GSS: variants seen among roughly 807,000 people sequenced by gnomAD.
The protein encoded by GSS is glutathione synthetase, also known as GSH synthetase.
In GSS, 34 loss-of-function variants were observed where a neutral mutation model predicts 60.4. That is an observed-to-expected ratio of 0.56 (90% CI 0.43 to 0.75). The LOEUF (loss-of-function observed/expected upper bound fraction) is 0.75, where lower values mean the gene tolerates loss of function less well. Ranked by LOEUF, GSS falls within the 30% of genes least tolerant of loss-of-function variation. GSS has a pLI of 0.00. For synonymous variants in GSS, 224 were observed against 239.0 expected (o/e 0.94, Z 0.58); for missense variants, 499 against 595.1 (o/e 0.84, Z 1.68).
intron 1 of GSS, among the ~76,000 whole-genome samples, chr20:34,953,762 C>T (rs147891744): frequency 0.038 from 5,838 of 151,938 alleles, 371 homozygotes; most frequent in African/African-American, 0.13. Context: ...ACTACAGGCA[C>T]CTGCCACCAT....
intron 6 of GSS, among the ~76,000 whole-genome samples, 173 bp from the exon 7 acceptor site, chr20:34,937,196 C>A (rs985139719): frequency 2.3e-4 from 35 of 152,144 alleles, no homozygotes; most frequent in African/African-American, 8.2e-4. Context: ...GGCATAGACA[C>A]CTGATGCTAT....
chr20:34,935,563 A>G lies in GSS; in HGVS notation c.834+13T>C, dbSNP rs1445396251. 1.9e-6 allele frequency: 3 copies of G among 1,597,912 alleles called. No homozygotes were observed. The highest frequency in any genetic ancestry group is 2.6e-6 in the Non-Finnish European group (3 of 1,165,406). On this transcript the variant is annotated intron_variant, in intron 9 of 12. Coordinates refer to ENST00000651619, the MANE Select transcript of GSS (RefSeq NM_000178.4). ...CCCAGGAGGCAAAGAATGGTCTCAC[A>G]GAAAATACCAACCTGTAGACTGTAC... is the stretch of plus-strand genomic sequence containing the variant.
At chr20:34,953,369 T>G (rs2081583755) in intron 1 of GSS, among the ~76,000 whole-genome samples, 1 of 152,160 alleles carries the variant, frequency 6.6e-6, no homozygotes, top group Non-Finnish European at 1.5e-5. Context: ...TTTGAAAGAA[T>G]GCGCATGTGA....
intron 5 of GSS, 52 bp from the exon 6 acceptor site, chr20:34,941,881 TCTGC>T (rs777339200): frequency 1.0e-6 from 1 of 969,032 alleles, no homozygotes; most frequent in Non-Finnish European, 1.7e-6. Flanking sequence ...GGAAGACCCC[TCTGC>T]CCATGACCTC....
Position 34,931,384 on chromosome 20 carries a change from G to C in GSS, c.1063C>G (p.Leu355Val). Residue 355 changes from leucine to valine, a missense_variant, in exon 11 of 13, where the codon CTT (leucine) becomes GTT (valine). Physicochemically the swap from Leu to Val is conservative, Grantham distance 32. Transcript: ENST00000651619. ...AGCACAAACCGGCTAGGGGCAGCAA[G>C]GGCCTCGGCGATGGCCTGGTCCCCT... is the stretch of plus-strand genomic sequence containing the variant. ...EEGDQAIAEA[L>V]AAPSRFVLKP... The C allele has an allele frequency of 6.2e-7, 1 of 1,614,246 alleles. No homozygotes were observed. The highest frequency in any genetic ancestry group is 8.5e-7 in the Non-Finnish European group (1 of 1,180,036).
Position 34,942,833 on chromosome 20 carries a change from T to G in GSS, c.351+98A>C, listed in dbSNP as rs1057117468. 3.1e-6 allele frequency: 3 copies of G among 965,614 alleles called. No individual in the cohort carries two copies. In the African/African-American group the frequency reaches 4.8e-5, roughly 16 times the overall value. The allele number at this position is 965,614 out of a possible 1,614,324, so 59.8% of individuals were successfully genotyped here. Reference sequence around the variant, plus strand: ...AGGACCAGTGAGAGGCAGATTCCCATGAGCTGAGGGCCTGGACCAAATTCT... The same window carrying G: ...AGGACCAGTGAGAGGCAGATTCCCAGGAGCTGAGGGCCTGGACCAAATTCT... On this transcript the variant is annotated intron_variant, in intron 4 of 12. Coordinates refer to ENST00000651619, the MANE Select transcript of GSS (RefSeq NM_000178.4).
intron 6 of GSS, among the ~76,000 whole-genome samples, chr20:34,939,747 C>T (rs2147127667): frequency 6.6e-6 from 1 of 151,388 alleles, no homozygotes; most frequent in East Asian, 1.9e-4. Flanking sequence ...TTGGCCACTG[C>T]AACTTCCACC....
intron 2 of GSS, 81 bp from the exon 3 acceptor site, chr20:34,946,179 A>T (rs1284653705): frequency 8.1e-7 from 1 of 1,233,418 alleles, no homozygotes; most frequent in Non-Finnish European, 1.2e-6. Flanking sequence ...TCCCATGGAA[A>T]GTCTGGCCTA....
intron 2 of GSS, among the ~76,000 whole-genome samples, chr20:34,950,717 C>T (rs1194209439): frequency 1.3e-5 from 2 of 152,000 alleles, no homozygotes; most frequent in African/African-American, 2.4e-5. Flanking sequence ...TGCAGTGAGC[C>T]AAGATTGTGC....
chr20:34,941,892 C>T (rs769949374), intron 5 of GSS, 63 bp from the exon 6 acceptor site: 2 of 857,836 alleles, frequency 2.3e-6, no homozygotes, highest in Non-Finnish European at 4.1e-6. Context: ...CTGCCCATGA[C>T]CTCATATATA....
intron 11 of GSS, among the ~76,000 whole-genome samples, chr20:34,930,197 C>T (rs1407741561): frequency 6.7e-6 from 1 of 150,306 alleles, no homozygotes; most frequent in Non-Finnish European, 1.5e-5. Flanking sequence ...ACCTGGGAGG[C>T]AGTGGTTGCA....
At position 34,942,664 on chromosome 20, in the gene GSS, G is replaced by A. The variant is rs1446596272; in HGVS notation, c.352-37C>T. The A allele has an allele frequency of 2.5e-6, 4 of 1,609,992 alleles. No homozygotes were observed. The East Asian group carries it at 6.7e-5, about 27-fold the overall frequency. On this transcript the variant is annotated intron_variant, in intron 4 of 12. Coordinates refer to ENST00000651619, the MANE Select transcript of GSS (RefSeq NM_000178.4). ...ACTGAAGGCTGACAGTACCTGCCCA[G>A]GGACTGACTCTGAGGACCTAGCCAC...
chr20:34,942,712 T>G, intron 4 of GSS, 85 bp from the exon 5 acceptor site: 1 of 1,331,884 alleles, frequency 7.5e-7, no homozygotes, highest in Non-Finnish European at 1.1e-6. Context: ...TACCATGAAC[T>G]CTACACAGAG....
At chr20:34,929,349 G>C (rs2081380055) in intron 12 of GSS, 52 bp downstream of exon 12, 1 of 1,478,184 alleles carries the variant, frequency 6.8e-7, no homozygotes, top group African/African-American at 1.4e-5. Context: ...GGCTCACTTG[G>C]CTGGCACTCT....
Position 34,936,816 on chromosome 20 carries a change from T to C in GSS, c.714A>G (p.Thr238=), listed in dbSNP as rs760900096. Residue 238 remains threonine, a synonymous_variant, in exon 8 of 13, where the codon ACA becomes ACG. Coordinates refer to ENST00000651619, the MANE Select transcript of GSS (RefSeq NM_000178.4). ...ACCCCTTTTCAGAGATATCTTCAAA[T>C]GTTCGTCGGATCACATGGATGTTCC... ...LARNIHVIRR[T]FEDISEKGSL... The C allele has an allele frequency of 5.6e-6, 9 of 1,614,006 alleles. No individual in the cohort carries two copies. Among genetic ancestry groups the C allele is most frequent in the Non-Finnish European group, 7.6e-6 (9 of 1,180,004 alleles).
chr20:34,954,080 A>G (rs1323108693), intron 1 of GSS, among the ~76,000 whole-genome samples: 1 of 152,260 alleles, frequency 6.6e-6, no homozygotes, highest in Non-Finnish European at 1.5e-5. Flanking sequence ...AGCCAGGACA[A>G]GAACCCATTA....
rs1239791058 is a variant in GSS, at chr20:34,945,943, T to G, written c.275+10A>C. 1.2e-6 allele frequency: 2 copies of G among 1,613,928 alleles called. No homozygotes were observed. The highest frequency in any genetic ancestry group is 2.7e-5 in the African/African-American group (2 of 75,054). On this transcript the variant is annotated intron_variant, in intron 3 of 12. Transcript: ENST00000651619. ...AGCTCCTGGCCCCCCAATGCTTCAC[T>G]GTCCCCTACCTGGAAAGAGTTTGCT...
intron 3 of GSS, among the ~76,000 whole-genome samples, chr20:34,944,968 A>G (rs1032857034): frequency 6.6e-6 from 1 of 151,980 alleles, no homozygotes. Flanking sequence ...TAAATACATA[A>G]TATTTCTAGA....
Position 34,928,521 on chromosome 20 carries a change from CAA to C in GSS, c.*305_*306del, listed in dbSNP as rs1158156461. 3.3e-5 allele frequency: 16 copies of C among 487,826 alleles called. No individual in the cohort carries two copies. Among genetic ancestry groups the C allele is most frequent in the Non-Finnish European group, 5.6e-5 (15 of 266,368 alleles). The allele number at this position is 487,826 out of a possible 1,614,324, so 30.2% of individuals were successfully genotyped here. On this transcript the variant is annotated 3_prime_UTR_variant, in exon 13 of 13. Coordinates refer to ENST00000651619, the MANE Select transcript of GSS (RefSeq NM_000178.4). ...CTCCTCCTACCACTCAGTCCTATCC[CAA>C]GTCAGGCACTGGAACCTGCTGAAAA...
Sources: allele counts gnomAD v4.1 joint callset (sites outside exome capture counted in the v4.1 genomes callset), GRCh38; gene constraint gnomAD v4.1.1; transcripts MANE v1.5; gene names NCBI Gene and HGNC (gene_info 2026-07-23, HGNC 2026-07-21).